TBC1D1: variants seen among roughly 807,000 people sequenced by gnomAD.
TBC1D1 encodes the protein TBC1 (tre-2/USP6, BUB2, cdc16) domain family, member 1.
In TBC1D1, 89 loss-of-function variants were observed where a neutral mutation model predicts 125.6. The observed-to-expected ratio is 0.71, with a 90% CI of 0.60 to 0.85. The LOEUF (loss-of-function observed/expected upper bound fraction) is 0.85. TBC1D1 is among the 40% of genes least tolerant of loss of function. TBC1D1 has a pLI of 0.00. For synonymous variants in TBC1D1, 565 were observed against 564.1 expected, an observed-to-expected ratio of 1.00 and a Z score of -0.02; for missense variants, 1,377 against 1,469.2, an observed-to-expected ratio of 0.94 and a Z score of 1.03.
intron 10 of TBC1D1, 48 bp from the exon 11 acceptor site, chr4:38,049,570 C>T: frequency 6.5e-7 from 1 of 1,534,866 alleles, no homozygotes; most frequent in Non-Finnish European, 8.8e-7. Context: ...TTTATAAATC[C>T]CACATATTCC....
At chr4:38,007,695 A>C (rs1007984358) in intron 2 of TBC1D1, among the ~76,000 whole-genome samples, 1 of 152,150 alleles carries the variant, frequency 6.6e-6, no homozygotes, top group African/African-American at 2.4e-5. Flanking sequence ...CCCTCTGTCT[A>C]GACAGATTCA....
chr4:38,103,261 A>G, intron 15 of TBC1D1, 104 bp downstream of exon 17: 1 of 1,239,530 alleles, frequency 8.1e-7, no homozygotes, highest in South Asian at 1.7e-5. Context: ...TAGGTTTAGC[A>G]ATCAAAATTT....
intron 2 of TBC1D1, among the ~76,000 whole-genome samples, chr4:37,931,583 T>A (rs1391224356): frequency 6.6e-6 from 1 of 152,062 alleles, no homozygotes; most frequent in Non-Finnish European, 1.5e-5. Context: ...GTTCAAGCGA[T>A]TCTCCTGCCT....
intron 2 of TBC1D1, among the ~76,000 whole-genome samples, chr4:38,012,537 A>C (rs549593691): frequency 1.4e-4 from 22 of 152,174 alleles, no homozygotes; most frequent in African/African-American, 5.3e-4. Context: ...GGCCTCCCAA[A>C]GTGCTGGGAT....
Position 38,019,768 on chromosome 4 carries a change from A to G in TBC1D1, c.973-823A>G, listed in dbSNP as rs142411125. Reference sequence around the variant, plus strand: ...ATTTATTAAAAATAGCTCTTATGATACCATGGTAGAGCCTTGGCCTAATAT... The same window carrying G: ...ATTTATTAAAAATAGCTCTTATGATGCCATGGTAGAGCCTTGGCCTAATAT... On this transcript the variant is annotated intron_variant, in intron 4 of 19. Coordinates refer to ENST00000261439, the MANE Select transcript of TBC1D1 (RefSeq NM_015173.4). Among the ~76,000 whole-genome samples the G allele has an allele frequency of 8.3e-3, 1,264 of 152,314 alleles. 4 individuals are homozygous for G. Among genetic ancestry groups the G allele is most frequent in the South Asian group, 0.031 (149 of 4,830 alleles).
chr4:37,954,693 G>A, intron 2 of TBC1D1, among the ~76,000 whole-genome samples: 1 of 152,066 alleles, frequency 6.6e-6, no homozygotes, highest in East Asian at 1.9e-4. Context: ...TGGAGGAAGG[G>A]ATGCTTTGAA....
Position 38,137,758 on chromosome 4 carries a change from G to A in TBC1D1, c.*423G>A, listed in dbSNP as rs1000261323. The A allele has an allele frequency of 2.5e-5, 4 of 158,870 alleles. No homozygotes were observed. The highest frequency in any genetic ancestry group is 6.5e-5 in the Admixed American group (1 of 15,440). 9.8% of individuals were successfully genotyped at this position (158,870 alleles called of 1,614,324 possible). A position where few individuals can be genotyped will look rare whatever the true frequency, so the allele number is the denominator to read the frequency against. ...TCGTTCTTCCGAGAGGGTTTGTGTG[G>A]CGACTACACCCTCAGCGTCCCTGGC... On this transcript the variant is annotated 3_prime_UTR_variant, in exon 20 of 20. Transcript: ENST00000261439.
At chr4:38,125,197 C>T (rs576656001) in intron 18 of TBC1D1, 66 bp downstream of exon 20, 3 of 1,503,076 alleles carry the variant, frequency 2.0e-6, no homozygotes, top group South Asian at 2.4e-5. Flanking sequence ...TTAAATCTCT[C>T]TTGAGCAGGA....
Position 38,014,851 on chromosome 4 carries a change from G to T in TBC1D1, c.760G>T (p.Gly254Cys). ...CTTTAGGAAGGAGCTGCAGGATGGGGGCCTCCGAAGCAGCGGCTTCTTCAG... is the reference window on the plus strand; with the variant it reads ...CTTTAGGAAGGAGCTGCAGGATGGGTGCCTCCGAAGCAGCGGCTTCTTCAG... The change falls in exon 3 of 20, where the codon GGC becomes TGC. Residue 254 changes from glycine to cysteine, a missense_variant. Gly to Cys is a radical substitution (Grantham distance 159). Around this residue, in one of 3 missense-constraint regions of TBC1D1, gnomAD observed 822 missense variants for 824.6 expected, o/e 1.00. Coordinates refer to ENST00000261439, the MANE Select transcript of TBC1D1 (RefSeq NM_015173.4). This position sits in a 1 kb window ranked among gnomAD's most constrained non-coding sequence, Gnocchi z 5.1. 2 of 1,612,058 alleles carry T rather than the reference G, an allele frequency of 1.2e-6. No homozygotes were observed. Among genetic ancestry groups the T allele is most frequent in the Non-Finnish European group, 1.7e-6 (2 of 1,178,532 alleles).
At chr4:38,107,947 C>T (rs1319481822) in intron 15 of TBC1D1, among the ~76,000 whole-genome samples, 1 of 152,172 alleles carries the variant, frequency 6.6e-6, no homozygotes, top group Admixed American at 6.5e-5. Context: ...TTGGTGGAAT[C>T]ATGTTCCTTT....
At chr4:38,091,857 CTAA>C (rs1339086632) in intron 13 of TBC1D1, among the ~76,000 whole-genome samples, 1 of 152,268 alleles carries the variant, frequency 6.6e-6, no homozygotes, top group Admixed American at 6.5e-5. Context: ...CAACATTCTT[CTAA>C]TGCTTCCTCA....
Position 37,997,871 on chromosome 4 carries a change from C to A in TBC1D1, c.418-16638C>A, listed in dbSNP as rs567891509. On this transcript the variant is annotated intron_variant, in intron 2 of 19. Coordinates refer to ENST00000261439, the MANE Select transcript of TBC1D1 (RefSeq NM_015173.4). ...GGATTATTCTCTGAGGTGCAGCACACCCTGGTTTCACTGTCTGCACAGTTC... is the reference window on the plus strand; with the variant it reads ...GGATTATTCTCTGAGGTGCAGCACAACCTGGTTTCACTGTCTGCACAGTTC... Among the ~76,000 whole-genome samples the A allele has an allele frequency of 1.2e-4, 18 of 152,164 alleles. No homozygotes were observed. In the South Asian group the frequency reaches 3.7e-3, roughly 32 times the overall value.
chr4:38,095,954 G>A lies in TBC1D1; in HGVS notation c.2262G>A (p.Lys754=), dbSNP rs756805822. 2.5e-6 allele frequency: 4 copies of A among 1,613,814 alleles called. No homozygotes were observed. The highest frequency in any genetic ancestry group is 3.4e-6 in the Non-Finnish European group (4 of 1,179,866). Residue 754 remains lysine, a synonymous_variant, in exon 14 of 20, where the codon AAG becomes AAA. Coordinates refer to ENST00000261439, the MANE Select transcript of TBC1D1 (RefSeq NM_015173.4). Reference sequence around the variant, plus strand: ...CCTCTGAAAATGATTTGCTGAACAAGCGCCTGAAGCTCGATTATGAAGAAA... The same window carrying A: ...CCTCTGAAAATGATTTGCTGAACAAACGCCTGAAGCTCGATTATGAAGAAA...
intron 12 of TBC1D1, among the ~76,000 whole-genome samples, chr4:38,073,520 T>C (rs1755059346): frequency 6.6e-6 from 1 of 152,248 alleles, no homozygotes; most frequent in Non-Finnish European, 1.5e-5. Flanking sequence ...TGTTTCATAT[T>C]TGGGGAAATG....
Position 37,982,200 on chromosome 4 carries a change from T to G in TBC1D1, c.418-32309T>G, listed in dbSNP as rs543948276. On this transcript the variant is annotated intron_variant, in intron 2 of 19. Coordinates refer to ENST00000261439, the MANE Select transcript of TBC1D1 (RefSeq NM_015173.4). The stretch of plus-strand genomic sequence containing the variant: ...TGCCGGTAGGCGGTAGGAGTTGCCC[T>G]TCTGTTTACCAGCACACAGCACAGC... Among the ~76,000 whole-genome samples, 5 of 152,294 alleles carry G rather than the reference T, an allele frequency of 3.3e-5. No individual in the cohort carries two copies. In the South Asian group the frequency reaches 1.0e-3, roughly 32 times the overall value.
Position 38,072,486 on chromosome 4 carries a change from A to G in TBC1D1, c.2051-17446A>G, listed in dbSNP as rs142089600. ...GTGCTGGTTAATAACTCCCATCATA[A>G]TGTATATTTCTGTGAATGGCTTTTT... On this transcript the variant is annotated intron_variant, in intron 12 of 19. Coordinates refer to ENST00000261439, the MANE Select transcript of TBC1D1 (RefSeq NM_015173.4). 5.8e-3 allele frequency among the ~76,000 whole-genome samples: 877 copies of G among 152,310 alleles called. 6 individuals are homozygous for G. Among genetic ancestry groups the G allele is most frequent in the Non-Finnish European group, 9.9e-3 (675 of 68,026 alleles).
At chr4:37,990,207 A>C (rs969215276) in intron 2 of TBC1D1, among the ~76,000 whole-genome samples, 2 of 152,240 alleles carry the variant, frequency 1.3e-5, no homozygotes, top group East Asian at 3.8e-4. Flanking sequence ...GTAAGTTTCC[A>C]AGTTTAAAAT....
intron 3 of TBC1D1, among the ~76,000 whole-genome samples, chr4:38,016,039 T>A (rs1397333112): frequency 2.6e-5 from 4 of 152,236 alleles, no homozygotes; most frequent in Non-Finnish European, 5.9e-5. Context: ...ACTGTTTGAC[T>A]GCTGTGCTAA....
intron 1 of TBC1D1, among the ~76,000 whole-genome samples, chr4:37,898,087 T>C (rs991737303): frequency 6.6e-6 from 1 of 152,240 alleles, no homozygotes; most frequent in Non-Finnish European, 1.5e-5. Flanking sequence ...CTTAGCATTG[T>C]GCATATATAT....
Sources: allele counts gnomAD v4.1 joint callset (sites outside exome capture counted in the v4.1 genomes callset), GRCh38; gene constraint gnomAD v4.1.1; regional missense constraint gnomAD v4.1.1; non-coding constraint Gnocchi (gnomAD v3.1); transcripts MANE v1.5; gene names NCBI Gene and HGNC (gene_info 2026-07-23, HGNC 2026-07-21).